Variants in CDH17 observed in about 807,000 individuals in gnomAD.
CDH17 encodes cadherin-17.
In CDH17, 67 loss-of-function variants were observed where a neutral mutation model predicts 86.3. The observed-to-expected ratio is 0.78, with a 90% confidence interval of 0.64 to 0.95. The LOEUF (loss-of-function observed/expected upper bound fraction) is 0.95. CDH17 is among the 40% of genes least tolerant of loss of function. The probability of loss-of-function intolerance (pLI) is 0.00; values close to 1 mark genes in which losing one functional copy is unlikely to be tolerated. For synonymous variants in CDH17, 367 were observed against 366.4 expected (o/e 1.00, Z -0.02); for missense variants, 993 against 1,017.6 (o/e 0.98, Z 0.33).
rs574951505 is a variant in CDH17, at chr8:94,173,014, T to C, written c.783+783A>G. ...TTTCCACAATAAGAAGCAGCAGCCTTTCAAATCTATTTGCAACCCCCAAAT... is the reference window on the plus strand; with the variant it reads ...TTTCCACAATAAGAAGCAGCAGCCTCTCAAATCTATTTGCAACCCCCAAAT... On this transcript the variant is annotated intron_variant, in intron 7 of 17. Transcript: ENST00000027335. 5.9e-5 allele frequency among the ~76,000 whole-genome samples: 9 copies of C among 152,230 alleles called. No individual in the cohort carries two copies. In the South Asian group the frequency reaches 1.5e-3, roughly 25 times the overall value.
chr8:94,206,441 AC>A (rs1374016143), intron 1 of CDH17, among the ~76,000 whole-genome samples: 1 of 152,130 alleles, frequency 6.6e-6, no homozygotes, highest in Non-Finnish European at 1.5e-5. Context: ...ATACATCTCT[AC>A]CCATGTGAAC....
At chr8:94,184,001 A>G (rs530312295) in intron 3 of CDH17, among the ~76,000 whole-genome samples, 129 of 152,172 alleles carry the variant, frequency 8.5e-4, no homozygotes, top group Non-Finnish European at 4.4e-5. Context: ...CCAAAACCAC[A>G]AAGAAATACC....
At chr8:94,168,971 T>C (rs1225242138) in intron 9 of CDH17, among the ~76,000 whole-genome samples, 2 of 152,184 alleles carry the variant, frequency 1.3e-5, no homozygotes, top group Non-Finnish European at 2.9e-5. Flanking sequence ...ATTAGAGGTA[T>C]CCAGCTGAAC....
chr8:94,209,162 A>C (rs1391882638), upstream of CDH17, among the ~76,000 whole-genome samples: 12 of 151,918 alleles, frequency 7.9e-5, no homozygotes, highest in African/African-American at 2.7e-4. Context: ...TTTCCCCCCC[A>C]CAATTCAGGG....
At chr8:94,180,516 A>G (rs1813461167) in intron 3 of CDH17, among the ~76,000 whole-genome samples, 1 of 152,214 alleles carries the variant, frequency 6.6e-6, no homozygotes, top group Non-Finnish European at 1.5e-5. Context: ...TTAAAAGTGC[A>G]TAGACTCATC....
intron 15 of CDH17, among the ~76,000 whole-genome samples, chr8:94,135,914 G>A (rs1189591824): frequency 1.3e-5 from 2 of 152,146 alleles, no homozygotes. Flanking sequence ...CACTTATGAA[G>A]CTTAGTTTGG....
intron 1 of CDH17, among the ~76,000 whole-genome samples, chr8:94,200,129 T>C (rs980625653): frequency 1.3e-5 from 2 of 152,098 alleles, no homozygotes; most frequent in Non-Finnish European, 2.9e-5. Flanking sequence ...ACTACACTAG[T>C]GCTAGGATTA....
chr8:94,173,314 C>T (rs916693278), intron 7 of CDH17, among the ~76,000 whole-genome samples: 2 of 152,240 alleles, frequency 1.3e-5, no homozygotes, highest in African/African-American at 2.4e-5. Context: ...GAGCACCACG[C>T]CCTTGGTGGT....
intron 1 of CDH17, among the ~76,000 whole-genome samples, chr8:94,200,243 C>A (rs1319670963): frequency 6.6e-6 from 1 of 152,184 alleles, no homozygotes; most frequent in African/African-American, 2.4e-5. Context: ...CGCAATGGTG[C>A]TGATGGGAAG....
At chr8:94,210,904 C>G (rs189172227), upstream of CDH17, among the ~76,000 whole-genome samples, 520 of 151,782 alleles carry the variant, frequency 3.4e-3, 4 homozygotes, top group Non-Finnish European at 4.4e-3. Context: ...GCCTGTAATC[C>G]CAGCTACTCA....
chr8:94,148,711 C>CCTT, intron 14 of CDH17, 33 bp downstream of exon 14: 1 of 1,345,940 alleles, frequency 7.4e-7, no homozygotes, highest in African/African-American at 1.7e-5. Context: ...ATCTGTGTTC[C>CCTT]TTTTTTTTTG....
Position 94,128,130 on chromosome 8 carries a change from G to A in CDH17, c.*110C>T, listed in dbSNP as rs1812336470. The A allele has an allele frequency of 8.4e-6, 6 of 712,884 alleles. No individual in the cohort carries two copies. The Admixed American group carries it at 1.5e-4, about 17-fold the overall frequency. The allele number at this position is 712,884 out of a possible 1,614,324, so 44.2% of individuals were successfully genotyped here. On this transcript the variant is annotated 3_prime_UTR_variant, in exon 18 of 18. Transcript: ENST00000027335. Reference sequence around the variant, plus strand: ...TTTAGCAAATATTAAAGGACAAGAGGGAATATCTGTTTAAAAAATTATAAT... The same window carrying A: ...TTTAGCAAATATTAAAGGACAAGAGAGAATATCTGTTTAAAAAATTATAAT...
chr8:94,176,426 G>A (rs1423751073), intron 5 of CDH17, 115 bp downstream of exon 5: 4 of 1,100,530 alleles, frequency 3.6e-6, no homozygotes, highest in African/African-American at 1.6e-5. Context: ...AGTGTGAAAT[G>A]TAGGTAAGAT....
intron 15 of CDH17, among the ~76,000 whole-genome samples, chr8:94,137,244 A>T (rs958664941): frequency 2.0e-5 from 3 of 152,242 alleles, no homozygotes; most frequent in African/African-American, 7.2e-5. Flanking sequence ...TGCCCTGTCC[A>T]TAGAAATGGA....
At chr8:94,146,737 G>A (rs1812752204) in intron 14 of CDH17, among the ~76,000 whole-genome samples, 1 of 152,164 alleles carries the variant, frequency 6.6e-6, no homozygotes. Flanking sequence ...CACAGTATGT[G>A]GTCAATAATA....
At chr8:94,175,185 C>T (rs1041617768) in intron 5 of CDH17, among the ~76,000 whole-genome samples, 6 of 152,166 alleles carry the variant, frequency 3.9e-5, no homozygotes, top group African/African-American at 9.7e-5. Context: ...ATATAACCCA[C>T]CTGTCTAAAA....
intron 10 of CDH17, among the ~76,000 whole-genome samples, chr8:94,163,166 C>T (rs1430307514): frequency 1.3e-5 from 2 of 152,222 alleles, no homozygotes; most frequent in Non-Finnish European, 2.9e-5. Flanking sequence ...GTTGTAGGTG[C>T]TACTGTCATT....
At chr8:94,183,424 T>A (rs78533477) in intron 3 of CDH17, among the ~76,000 whole-genome samples, 2,058 of 152,116 alleles carry the variant, frequency 0.014, 40 homozygotes, top group African/African-American at 0.039. Context: ...CCAGAAACAA[T>A]TCAATTGATT....
chr8:94,208,225 C>T (rs1258646146), intron 1 of CDH17, among the ~76,000 whole-genome samples: 2 of 152,144 alleles, frequency 1.3e-5, no homozygotes, highest in Admixed American at 1.3e-4. Flanking sequence ...AATTCCACTG[C>T]CAAGCTTGAT....
Sources: gnomAD v4.1 joint callset for allele counts (sites outside exome capture counted in the v4.1 genomes callset) on GRCh38, gnomAD v4.1.1 for gene constraint, MANE v1.5 for transcripts, NCBI Gene and HGNC (gene_info 2026-07-23, HGNC 2026-07-21) for gene names.